The following PCMTD2 variants were observed in gnomAD, a reference collection of about 807,000 sequenced individuals.
PCMTD2 encodes the protein protein-L-isoaspartate O-methyltransferase domain-containing protein 2.
Under a neutral mutation model 33.4 loss-of-function variants are expected in PCMTD2, and 16 were observed. The observed-to-expected ratio is 0.48, with a 90% CI of 0.32 to 0.73. The LOEUF (loss-of-function observed/expected upper bound fraction) is 0.73. PCMTD2 is among the 30% of genes least tolerant of loss of function. The pLI is 0.03. For missense variants in PCMTD2, 374 were observed against 449.9 expected (o/e 0.83, Z 1.53); for synonymous variants, 161 against 160.8 (o/e 1.00, Z -0.01).
At position 64,275,343 on chromosome 20, in the gene PCMTD2, A is replaced by G. The variant is rs1198065654; in HGVS notation, c.*1743A>G. 1 of 152,184 alleles carries G rather than the reference A, an allele frequency of 6.6e-6. No homozygotes were observed. Among genetic ancestry groups the G allele is most frequent in the Non-Finnish European group, 1.5e-5 (1 of 68,030 alleles). 9.4% of individuals were successfully genotyped at this position (152,184 alleles called of 1,614,324 possible). ...GACACTTACTTGGAAATTTTTGGAC[A>G]TTATATTAAATGAGTGCTATCTGTG... On this transcript the variant is annotated 3_prime_UTR_variant, in exon 6 of 6. Transcript: ENST00000308824.
chr20:64,268,868 C>T lies in PCMTD2; in HGVS notation c.706+858C>T, dbSNP rs116793166. 6.0e-3 allele frequency among the ~76,000 whole-genome samples: 911 copies of T among 152,176 alleles called. 9 individuals carry two copies. Among genetic ancestry groups the T allele is most frequent in the African/African-American group, 0.019 (795 of 41,508 alleles). On this transcript the variant is annotated intron_variant, in intron 5 of 5. Transcript: ENST00000308824. ...AAGTACAGGTTCTAAGAACTAGACA[C>T]GGTTCTTGAAATTTGATAATGAGCA...
In PCMTD2 at chr20:64,261,108, G is replaced by GA. The variant is rs1201931702; in HGVS notation, c.307+837dup. 1.1e-4 allele frequency among the ~76,000 whole-genome samples: 17 copies of GA among 152,314 alleles called. No individual in the cohort carries two copies. The East Asian group carries it at 3.3e-3, about 29-fold the overall frequency. On this transcript the variant is annotated intron_variant, in intron 2 of 5. Coordinates refer to ENST00000308824, the MANE Select transcript of PCMTD2 (RefSeq NM_018257.3). ...CCTATTTTCCAAACAAATGAGTTGT[G>GA]AGACTGCACATGGAAATATGGCTAT... is the stretch of plus-strand genomic sequence containing the variant.
chr20:64,267,384 C>A (rs1245451238), intron 4 of PCMTD2, among the ~76,000 whole-genome samples: 1 of 152,118 alleles, frequency 6.6e-6, no homozygotes, highest in African/African-American at 2.4e-5. Flanking sequence ...GACAAGTTTG[C>A]ATTTAAAAAA....
chr20:64,260,484 C>T (rs912392608), intron 2 of PCMTD2, among the ~76,000 whole-genome samples: 22 of 152,286 alleles, frequency 1.4e-4, no homozygotes, highest in Non-Finnish European at 2.8e-4. Flanking sequence ...TCCAGAGGGA[C>T]CTCTCCTGTT....
chr20:64,260,374 C>T (rs999102197), intron 2 of PCMTD2, 102 bp downstream of exon 2: 8 of 760,318 alleles, frequency 1.1e-5, no homozygotes, highest in Admixed American at 2.3e-5. Flanking sequence ...GGGTCGAGAC[C>T]GCAGCCTTCC....
At chr20:64,264,088 G>A (rs1349626867) in intron 2 of PCMTD2, among the ~76,000 whole-genome samples, 1 of 152,174 alleles carries the variant, frequency 6.6e-6, no homozygotes, top group African/African-American at 2.4e-5. Flanking sequence ...CAACTTTTCA[G>A]GGAAAACAGA....
At chr20:64,269,218 G>A (rs1237280635) in intron 5 of PCMTD2, among the ~76,000 whole-genome samples, 3 of 152,180 alleles carry the variant, frequency 2.0e-5, no homozygotes, top group Non-Finnish European at 4.4e-5. Context: ...TGTCAAATGC[G>A]TGCTCTGAAA....
chr20:64,260,430 G>A (rs1253057621), intron 2 of PCMTD2, among the ~76,000 whole-genome samples, 158 bp downstream of exon 2: 1 of 152,186 alleles, frequency 6.6e-6, no homozygotes, highest in African/African-American at 2.4e-5. Context: ...TGGATAGAGG[G>A]ATGAGGGAGG....
rs1986042266 is a variant in PCMTD2 at position 64,274,626 on chromosome 20, T to C, written c.*1026T>C. The C allele has an allele frequency of 6.6e-6, 1 of 152,236 alleles. No individual in the cohort carries two copies. The highest frequency in any genetic ancestry group is 2.4e-5 in the African/African-American group (1 of 41,466). The allele number at this position is 152,236 out of a possible 1,614,324, so 9.4% of individuals were successfully genotyped here. A position where few individuals can be genotyped will look rare whatever the true frequency, so the allele number is the denominator to read the frequency against. ...TAGTACTGATTCATAGATTCTATCTTTTATAATTCTGGAGAAAAAGATTTG... is the reference window on the plus strand; with the variant it reads ...TAGTACTGATTCATAGATTCTATCTCTTATAATTCTGGAGAAAAAGATTTG... On this transcript the variant is annotated 3_prime_UTR_variant, in exon 6 of 6. Transcript: ENST00000308824.
intron 5 of PCMTD2, among the ~76,000 whole-genome samples, chr20:64,269,203 G>A (rs1332526446): frequency 2.6e-5 from 4 of 152,212 alleles, no homozygotes; most frequent in African/African-American, 2.4e-5. Flanking sequence ...GGTGGAGGGT[G>A]AATCTGTCAA....
chr20:64,256,616 G>A (rs1450089540), intron 1 of PCMTD2: 1 of 152,198 alleles, frequency 6.6e-6, no homozygotes, highest in Non-Finnish European at 1.5e-5. Context: ...TGAAGTTGAG[G>A]TGCCTATAAG....
In PCMTD2 at chr20:64,275,320, C is replaced by G. The variant is rs1205256312; in HGVS notation, c.*1720C>G. ...GGCATTATTCTAACTGATACGTAGA[C>G]ACTTACTTGGAAATTTTTGGACATT... On this transcript the variant is annotated 3_prime_UTR_variant, in exon 6 of 6. Coordinates refer to ENST00000308824, the MANE Select transcript of PCMTD2 (RefSeq NM_018257.3). The G allele has an allele frequency of 6.6e-6, 1 of 152,112 alleles. No individual in the cohort carries two copies. The highest frequency in any genetic ancestry group is 1.5e-5 in the Non-Finnish European group (1 of 68,016). The allele number at this position is 152,112 out of a possible 1,614,324, so 9.4% of individuals were successfully genotyped here.
At chr20:64,268,998 G>A (rs925927133) in intron 5 of PCMTD2, among the ~76,000 whole-genome samples, 26 of 152,212 alleles carry the variant, frequency 1.7e-4, no homozygotes, top group African/African-American at 5.3e-4. Context: ...GAGAAGAAAG[G>A]GGAGAAAAGT....
At chr20:64,264,866 A>AAAGAAGGCATTAG (rs1985591883) in intron 3 of PCMTD2, among the ~76,000 whole-genome samples, 1 of 152,190 alleles carries the variant, frequency 6.6e-6, no homozygotes, top group Non-Finnish European at 1.5e-5. Flanking sequence ...GAAGGCATTA[A>AAAGAAGGCATTAG]AGTTCTTATT....
At chr20:64,263,897 G>A (rs901987791) in intron 2 of PCMTD2, among the ~76,000 whole-genome samples, 1 of 152,032 alleles carries the variant, frequency 6.6e-6, no homozygotes, top group African/African-American at 2.4e-5. Flanking sequence ...GTTTTATATC[G>A]GGGGAGCACT....
At chr20:64,259,002 A>C (rs1365612921) in intron 1 of PCMTD2, 1 of 152,250 alleles carries the variant, frequency 6.6e-6, no homozygotes, top group African/African-American at 2.4e-5. Context: ...AGTTAGGCTC[A>C]GAGGTGACAC....
rs139678727 is a variant in PCMTD2, at chr20:64,265,160, A to G, written c.411-98A>G. Reference sequence around the variant, plus strand: ...CTCCTCACACTGTAAACTGTGTTACATTGCTGTGGGATTTTAACCTGTGGT... The same window carrying G: ...CTCCTCACACTGTAAACTGTGTTACGTTGCTGTGGGATTTTAACCTGTGGT... On this transcript the variant is annotated intron_variant, in intron 3 of 5. Coordinates refer to ENST00000308824, the MANE Select transcript of PCMTD2 (RefSeq NM_018257.3). 327 of 787,174 alleles carry G rather than the reference A, an allele frequency of 4.2e-4. No individual in the cohort carries two copies. The African/African-American group carries it at 5.4e-3, about 13-fold the overall frequency. The allele number at this position is 787,174 out of a possible 1,614,324, so 48.8% of individuals were successfully genotyped here. A position where few individuals can be genotyped will look rare whatever the true frequency, so the allele number is the denominator to read the frequency against.
chr20:64,269,735 A>T (rs1482749231), intron 5 of PCMTD2, among the ~76,000 whole-genome samples: 1 of 144,794 alleles, frequency 6.9e-6, no homozygotes, highest in Non-Finnish European at 1.5e-5. Flanking sequence ...GAGTGCGGAC[A>T]TGCGCAATGT....
At chr20:64,265,734 C>A (rs890626151) in intron 4 of PCMTD2, 2 of 297,032 alleles carry the variant, frequency 6.7e-6, no homozygotes, top group Non-Finnish European at 1.2e-5. Flanking sequence ...CTCCTTCCCC[C>A]CAGCTGTTCT....
Sources: gnomAD v4.1 joint callset for allele counts (sites outside exome capture counted in the v4.1 genomes callset) on GRCh38, gnomAD v4.1.1 for gene constraint, MANE v1.5 for transcripts, NCBI Gene and HGNC (gene_info 2026-07-23, HGNC 2026-07-21) for gene names.